Variants in MRPS5 observed in about 807,000 individuals in gnomAD.
The protein encoded by MRPS5 is mitochondrial ribosomal protein S5.
In MRPS5, 27 loss-of-function variants were observed where a neutral mutation model predicts 51.9. The observed-to-expected ratio is 0.52, with a 90% CI of 0.38 to 0.72. The LOEUF (loss-of-function observed/expected upper bound fraction) is 0.72, where lower values mean the gene tolerates loss of function less well. Among genes scored for constraint, MRPS5 ranks in the 30% least tolerant of loss-of-function variants. The pLI is 0.00. For synonymous variants in MRPS5, 196 were observed against 193.2 expected (o/e 1.01, Z -0.12); for missense variants, 570 against 545.7 (o/e 1.04, Z -0.44).
chr2:95,101,672 C>A lies in MRPS5; in HGVS notation c.810+5G>T. On this transcript the variant is annotated splice_donor_5th_base_variant and intron_variant, in intron 8 of 11. Coordinates refer to ENST00000272418, the MANE Select transcript of MRPS5 (RefSeq NM_031902.5). ...AGTGTCAACAAAGAAAAAAAATGTA[C>A]ATACTTTCCTGAAAGCATCCATCCG... is the stretch of plus-strand genomic sequence containing the variant. 1 of 1,594,056 alleles carries A rather than the reference C, an allele frequency of 6.3e-7. No individual in the cohort carries two copies. Among genetic ancestry groups the A allele is most frequent in the Non-Finnish European group, 8.5e-7 (1 of 1,174,318 alleles).
At chr2:95,088,021 T>A (rs1313203142) in intron 11 of MRPS5, among the ~76,000 whole-genome samples, 1 of 69,698 alleles carries the variant, frequency 1.4e-5, no homozygotes. Flanking sequence ...CAACAAAAAA[T>A]CATAAGCGGG....
At chr2:95,096,659 C>G (rs1314522971) in intron 10 of MRPS5, among the ~76,000 whole-genome samples, 2 of 152,144 alleles carry the variant, frequency 1.3e-5, no homozygotes, top group Non-Finnish European at 2.9e-5. Context: ...TAAAAACTCT[C>G]AATACACTAG....
At chr2:95,099,593 C>A (rs1675738319) in intron 10 of MRPS5, among the ~76,000 whole-genome samples, 1 of 152,170 alleles carries the variant, frequency 6.6e-6, no homozygotes, top group Non-Finnish European at 1.5e-5. Context: ...CCGCTAGTGA[C>A]TAGTGGCTGC....
Position 95,085,541 on chromosome 2 carries a change from C to T in MRPS5, c.*1816G>A, listed in dbSNP as rs763505264. Among the ~76,000 whole-genome samples the T allele has an allele frequency of 5.9e-5, 9 of 152,192 alleles. No homozygotes were observed. Among genetic ancestry groups the T allele is most frequent in the East Asian group, 1.9e-4 (1 of 5,198 alleles). Reference sequence around the variant, plus strand: ...AAAAAGGGGACCCACCCACACCAGACAACGTCACAGGCTGAAAACTTTCAC... The same window carrying T: ...AAAAAGGGGACCCACCCACACCAGATAACGTCACAGGCTGAAAACTTTCAC... On this transcript the variant is annotated 3_prime_UTR_variant, in exon 12 of 12. Coordinates refer to ENST00000272418, the MANE Select transcript of MRPS5 (RefSeq NM_031902.5).
At chr2:95,116,085 T>C (rs1352063077) in intron 2 of MRPS5, among the ~76,000 whole-genome samples, 1 of 151,882 alleles carries the variant, frequency 6.6e-6, no homozygotes, top group African/African-American at 2.4e-5. Flanking sequence ...TTTGTATTTT[T>C]AGTAGAGACA....
At chr2:95,087,654 G>A in intron 11 of MRPS5, 73 bp from the exon 12 acceptor site, 1 of 1,290,046 alleles carries the variant, frequency 7.8e-7, no homozygotes, top group Non-Finnish European at 1.1e-6. Context: ...AACTTCCACA[G>A]GCCACAACAG....
Position 95,117,958 on chromosome 2 carries a change from A to C in MRPS5, c.59-13T>G. On this transcript the variant is annotated splice_polypyrimidine_tract_variant and intron_variant, in intron 1 of 11. Coordinates refer to ENST00000272418, the MANE Select transcript of MRPS5 (RefSeq NM_031902.5). The stretch of plus-strand genomic sequence containing the variant: ...CCCAATAAATGACCTGCAAATTGGA[A>C]AAAAAAAAATTTAAGATACATTTCT... 1 of 1,577,806 alleles carries C rather than the reference A, an allele frequency of 6.3e-7. No homozygotes were observed. Among genetic ancestry groups the C allele is most frequent in the Non-Finnish European group, 8.6e-7 (1 of 1,165,438 alleles).
intron 10 of MRPS5, among the ~76,000 whole-genome samples, chr2:95,097,124 AC>A (rs1675649983): frequency 6.6e-6 from 1 of 152,234 alleles, no homozygotes; most frequent in Non-Finnish European, 1.5e-5. Flanking sequence ...TAGGAATCCA[AC>A]TTACAAAAGA....
chr2:95,121,720 G>A lies in MRPS5; in HGVS notation c.58+14C>T, dbSNP rs748477821. 3 of 1,535,586 alleles carry A rather than the reference G, an allele frequency of 2.0e-6. No homozygotes were observed. The highest frequency in any genetic ancestry group is 2.6e-6 in the Non-Finnish European group (3 of 1,148,624). The stretch of plus-strand genomic sequence containing the variant: ...CCCGCTCAGAGCCCCTGCTCCCGGC[G>A]TCCCAGCTCTCACCTGCCGTCCCGC... On this transcript the variant is annotated intron_variant, in intron 1 of 11. Transcript: ENST00000272418.
intron 10 of MRPS5, chr2:95,092,058 G>A (rs1675481464): frequency 6.6e-6 from 1 of 152,244 alleles, no homozygotes. Flanking sequence ...TGCTGCTGAT[G>A]AGCACTGAGA....
At chr2:95,104,278 T>C (rs936443650) in intron 7 of MRPS5, 1 of 171,618 alleles carries the variant, frequency 5.8e-6, no homozygotes, top group African/African-American at 2.4e-5. Flanking sequence ...TTCCCATAAT[T>C]CTTTAATGGA....
Position 95,108,179 on chromosome 2 carries a change from A to C in MRPS5, c.633T>G (p.Cys211Trp). Reference protein sequence around the residue: ...ISLGPPDPGPCGETYEDFDTR... With the variant: ...ISLGPPDPGPWGETYEDFDTR... ...ACAAAACCAGGAGTTTGCTACCTCC[A>C]CAGGGACCAGGGTCAGGGGGGCCAA... The change falls in exon 5 of 12, where the codon TGT (cysteine) becomes TGG (tryptophan). Residue 211 changes from cysteine (C) to tryptophan (W), a missense_variant. Cys to Trp is a radical substitution (Grantham distance 215). Transcript: ENST00000272418. The C allele has an allele frequency of 6.2e-7, 1 of 1,614,142 alleles. No individual in the cohort carries two copies. Among genetic ancestry groups the C allele is most frequent in the Non-Finnish European group, 8.5e-7 (1 of 1,179,964 alleles).
Position 95,090,411 on chromosome 2 carries a change from C to A in MRPS5, c.1043G>T (p.Gly348Val), listed in dbSNP as rs1316125934. 1 of 1,613,894 alleles carries A rather than the reference C, an allele frequency of 6.2e-7. No homozygotes were observed. The highest frequency in any genetic ancestry group is 8.5e-7 in the Non-Finnish European group (1 of 1,179,992). Residue 348 changes from glycine to valine, a missense_variant, in exon 11 of 12, where the codon GGC becomes GTC. By Grantham distance (109) the Gly-to-Val change is moderately radical. Transcript: ENST00000272418. Reference protein sequence around the residue: ...GSINMLSLTQGLFRGLSRQET... With the variant: ...GSINMLSLTQVLFRGLSRQET... ...CTGTCTGGAGAGCCCACGGAAGAGG[C>A]CCTGGGTGAGGCTGAGCATATTAAT...
Position 95,100,892 on chromosome 2 carries a change from T to C in MRPS5, c.813A>G (p.Ala271=), listed in dbSNP as rs760848867. The change falls in exon 9 of 12, where the codon GCA becomes GCG. Residue 271 remains alanine, a splice_region_variant and synonymous_variant. Coordinates refer to ENST00000272418, the MANE Select transcript of MRPS5 (RefSeq NM_031902.5). Reference sequence around the variant, plus strand: ...GCAAATGGTGAACTGCTCTGTTCTTTGCCTGAAAGGAAAATGTTTTTCTTA... The same window carrying C: ...GCAAATGGTGAACTGCTCTGTTCTTCGCCTGAAAGGAAAATGTTTTTCTTA... ...ATDRMDAFRK[A]KNRAVHHLHY... is the part of the protein sequence containing the mutation. The C allele has an allele frequency of 6.2e-6, 10 of 1,607,448 alleles. No homozygotes were observed. Among genetic ancestry groups the C allele is most frequent in the Non-Finnish European group, 8.5e-6 (10 of 1,177,936 alleles).
intron 6 of MRPS5, among the ~76,000 whole-genome samples, chr2:95,105,169 T>A (rs1345938090): frequency 1.3e-5 from 2 of 152,186 alleles, no homozygotes; most frequent in African/African-American, 4.8e-5. Flanking sequence ...TATATAGACA[T>A]AACCAGCACA....
intron 11 of MRPS5, among the ~76,000 whole-genome samples, chr2:95,089,497 T>G (rs2104391040): frequency 6.6e-6 from 1 of 152,314 alleles, no homozygotes; most frequent in East Asian, 1.9e-4. Flanking sequence ...GTAGGGGAGC[T>G]GCCCAAGAAT....
chr2:95,094,279 G>C (rs1675554328), intron 10 of MRPS5, among the ~76,000 whole-genome samples: 1 of 152,204 alleles, frequency 6.6e-6, no homozygotes, highest in Non-Finnish European at 1.5e-5. Flanking sequence ...GGAAGTGACA[G>C]GGAGAATGGA....
At position 95,108,213 on chromosome 2, in the gene MRPS5, C is replaced by T; in HGVS notation, c.599G>A (p.Gly200Asp). 6.2e-7 allele frequency: 1 copy of T among 1,614,144 alleles called. No individual in the cohort carries two copies. The highest frequency in any genetic ancestry group is 8.5e-7 in the Non-Finnish European group (1 of 1,180,030). ...ERGWSGNSWG[G>D]ISLGPPDPGP... ...AGGGTCAGGGGGGCCAAGACTGATG[C>T]CTCCCCATGAGTTTCCACTCCATCC... is the stretch of plus-strand genomic sequence containing the variant. The change falls in exon 5 of 12, where the codon GGC becomes GAC. Residue 200 changes from glycine to aspartate, a missense_variant. Transcript: ENST00000272418.
At chr2:95,089,948 C>T (rs1370387705) in intron 11 of MRPS5, among the ~76,000 whole-genome samples, 2 of 151,790 alleles carry the variant, frequency 1.3e-5, no homozygotes, top group East Asian at 1.9e-4. Context: ...GAGGCCGAGG[C>T]GGGCGGATCA....
Sources: gnomAD v4.1 joint callset for allele counts (sites outside exome capture counted in the v4.1 genomes callset) on GRCh38, gnomAD v4.1.1 for gene constraint, MANE v1.5 for transcripts, NCBI Gene and HGNC (gene_info 2026-07-23, HGNC 2026-07-21) for gene names.